The following ZNF581 variants were observed in gnomAD, a reference collection of about 807,000 sequenced individuals.
ZNF581 encodes zinc finger protein 581.
A neutral mutation model predicts 1.2 loss-of-function variants in ZNF581; 1 was observed. That is an observed-to-expected ratio of 0.83 (90% confidence interval 0.30 to 3.95). The LOEUF is 3.95. Ranked by LOEUF, ZNF581 falls within the 30% of genes most tolerant of loss-of-function variation. The pLI is 0.18. For synonymous variants in ZNF581, 105 were observed against 109.2 expected (o/e 0.96, Z 0.24); for missense variants, 273 against 274.6 (o/e 0.99, Z 0.04).
upstream of ZNF581, among the ~76,000 whole-genome samples, chr19:55,637,771 C>T (rs545755761): frequency 6.6e-6 from 1 of 152,306 alleles, no homozygotes; most frequent in Non-Finnish European, 1.5e-5. Flanking sequence ...TGACCTCAGG[C>T]CAATCACACG....
rs1238578099 is a variant in ZNF581, at chr19:55,644,764, G to A, written c.193G>A (p.Val65Met). 5 of 1,613,968 alleles carry A rather than the reference G, an allele frequency of 3.1e-6. No individual in the cohort carries two copies. The highest frequency in any genetic ancestry group is 4.2e-6 in the Non-Finnish European group (5 of 1,179,954). The change falls in exon 2 of 2, where the codon GTG (valine) becomes ATG (methionine). Residue 65 changes from valine to methionine, a missense_variant. Transcript: ENST00000270451. The surrounding 1 kb of genome is among the most constrained non-coding windows in gnomAD (Gnocchi z 4.3). ...LIDTQGVPYT[V>M]LVDEESQREP... ...TGACACTCAGGGTGTCCCCTACACA[G>A]TGCTGGTGGACGAGGAGTCACAGAG...
rs193155075 is a variant in ZNF581, at chr19:55,644,300, G to A, written c.-19-253G>A. Among the ~76,000 whole-genome samples, 378 of 152,324 alleles carry A rather than the reference G, an allele frequency of 2.5e-3. 1 individual carries two copies. The highest frequency in any genetic ancestry group is 8.6e-3 in the African/African-American group (357 of 41,558). On this transcript the variant is annotated intron_variant, in intron 1 of 1. Transcript: ENST00000270451. This position sits in a 1 kb window ranked among gnomAD's most constrained non-coding sequence, Gnocchi z 4.3. ...TAGAGCGAGGTCCAGGTTGTGCAGA[G>A]GAGGTCAAGAGATCCTGTGAGTACA... is the stretch of plus-strand genomic sequence containing the variant.
upstream of ZNF581, among the ~76,000 whole-genome samples, chr19:55,639,125 A>C (rs1159551230): frequency 2.0e-5 from 3 of 152,076 alleles, no homozygotes; most frequent in Non-Finnish European, 4.4e-5. Flanking sequence ...AGGGGTTCTC[A>C]GCTAGGAGCC....
chr19:55,640,326 C>G (rs919675600), upstream of ZNF581: 8 of 985,146 alleles, frequency 8.1e-6, no homozygotes, highest in African/African-American at 1.2e-4. Context: ...CAGGACCTGG[C>G]GCAGCCCGCG....
chr19:55,640,123 C>A, upstream of ZNF581: 1 of 985,474 alleles, frequency 1.0e-6, no homozygotes, highest in Middle Eastern at 5.2e-4. Flanking sequence ...CCCCCACTCT[C>A]AGCTGCACCT....
In ZNF581 at chr19:55,644,524, A is replaced by C; in HGVS notation, c.-19-29A>C. On this transcript the variant is annotated intron_variant, in intron 1 of 1. Transcript: ENST00000270451. This position sits in a 1 kb window ranked among gnomAD's most constrained non-coding sequence, Gnocchi z 4.3. ...GTGCTGAGCTGCCCTCTTCTATATA[A>C]CCTTCTTATCCCATCTCCCATCCAC... 7.0e-7 allele frequency: 1 copy of C among 1,421,220 alleles called. No homozygotes were observed. The highest frequency in any genetic ancestry group is 9.5e-7 in the Non-Finnish European group (1 of 1,055,616). The allele number at this position is 1,421,220 out of a possible 1,614,324, so 88.0% of individuals were successfully genotyped here. A position where few individuals can be genotyped will look rare whatever the true frequency, so the allele number is the denominator to read the frequency against.
At chr19:55,635,296 C>T (rs948440696), upstream of ZNF581, 1 of 152,338 alleles carries the variant, frequency 6.6e-6, no homozygotes, top group African/African-American at 2.4e-5. Context: ...GAGGCACAGG[C>T]CTGGGCATCA....
chr19:55,640,810 G>T, upstream of ZNF581: 1 of 985,504 alleles, frequency 1.0e-6, no homozygotes, highest in Non-Finnish European at 1.2e-6. Flanking sequence ...TTTATTGGCC[G>T]ATCTCTTGTC....
chr19:55,645,210 G>T lies in ZNF581; in HGVS notation c.*45G>T, dbSNP rs1012089779. 1 of 1,481,972 alleles carries T rather than the reference G, an allele frequency of 6.7e-7. No individual in the cohort carries two copies. The highest frequency in any genetic ancestry group is 9.0e-7 in the Non-Finnish European group (1 of 1,106,358). The allele number at this position is 1,481,972 out of a possible 1,614,324, so 91.8% of individuals were successfully genotyped here. A position where few individuals can be genotyped will look rare whatever the true frequency, so the allele number is the denominator to read the frequency against. On this transcript the variant is annotated 3_prime_UTR_variant, in exon 2 of 2. Coordinates refer to ENST00000270451, the MANE Select transcript of ZNF581 (RefSeq NM_016535.4). ...CAGGTACCACAGGACTTTGCAGGGA[G>T]CCTGGACTCCTGTCCAGACACCTGG...
upstream of ZNF581, chr19:55,641,925 A>T: frequency 2.3e-6 from 1 of 443,476 alleles, no homozygotes; most frequent in Non-Finnish European, 3.0e-6. Context: ...GGAGGTACCT[A>T]GAGAGGAAGT....
chr19:55,645,043 G>T lies in ZNF581; in HGVS notation c.472G>T (p.Gly158Cys). 1 of 1,586,338 alleles carries T rather than the reference G, an allele frequency of 6.3e-7. No individual in the cohort carries two copies. The highest frequency in any genetic ancestry group is 8.6e-7 in the Non-Finnish European group (1 of 1,161,354). ...CTGCCCTCGCCGCTTCCGGGATGCGGGTGAGCTGGCCCAGCACAGCCGGGT... is the reference window on the plus strand; with the variant it reads ...CTGCCCTCGCCGCTTCCGGGATGCGTGTGAGCTGGCCCAGCACAGCCGGGT... ...PLCPRRFRDA[G>C]ELAQHSRVHS... The change falls in exon 2 of 2, where the codon GGT becomes TGT. Residue 158 changes from glycine (G) to cysteine (C), a missense_variant. Physicochemically the swap from Gly to Cys is radical, Grantham distance 159. Transcript: ENST00000270451.
upstream of ZNF581, among the ~76,000 whole-genome samples, chr19:55,639,067 C>T (rs146822693): frequency 1.7e-3 from 256 of 148,494 alleles, 1 homozygote; most frequent in African/African-American, 5.9e-3. Flanking sequence ...TTAACTATAT[C>T]AGGGATCTTG....
At chr19:55,641,059 C>T (rs1355376567), upstream of ZNF581, 10 of 985,182 alleles carry the variant, frequency 1.0e-5, no homozygotes, top group Non-Finnish European at 1.2e-5. Flanking sequence ...GTCCCCGCGT[C>T]CCCGGCGCCG....
At chr19:55,636,131 G>A (rs1196106510), upstream of ZNF581, among the ~76,000 whole-genome samples, 1 of 152,158 alleles carries the variant, frequency 6.6e-6, no homozygotes, top group Non-Finnish European at 1.5e-5. Flanking sequence ...AAAGGGGGCC[G>A]GGAGAATGTT....
upstream of ZNF581, chr19:55,641,043 C>A (rs1382947317): frequency 1.0e-6 from 1 of 984,986 alleles, no homozygotes; most frequent in East Asian, 1.1e-4. Context: ...CACCCCCGCG[C>A]CCCCAGTCCC....
rs1426035147 is a variant in ZNF581 at position 55,645,086 on chromosome 19, C to G, written c.515C>G (p.Pro172Arg). The change falls in exon 2 of 2, where the codon CCG becomes CGG. Residue 172 changes from proline to arginine, a missense_variant. Pro to Arg is a moderately radical substitution (Grantham distance 103). Transcript: ENST00000270451. Reference sequence around the variant, plus strand: ...AGCCGGGTGCACTCTGGGGAACGCCCGTTTCAGTGTCCACACTGCCCTCGC... The same window carrying G: ...AGCCGGGTGCACTCTGGGGAACGCCGGTTTCAGTGTCCACACTGCCCTCGC... ...QHSRVHSGER[P>R]FQCPHCPRRF... The G allele has an allele frequency of 6.4e-7, 1 of 1,550,612 alleles. No homozygotes were observed. Among genetic ancestry groups the G allele is most frequent in the African/African-American group, 1.4e-5 (1 of 73,630 alleles).
chr19:55,645,462 G>A lies in ZNF581; in HGVS notation c.*297G>A, dbSNP rs1322162114. On this transcript the variant is annotated 3_prime_UTR_variant, in exon 2 of 2. Transcript: ENST00000270451. ...TGGATGGAGGTGGGGAGTGTGGTGTGTAAAGTCTCTGGCCTCATAAAAGGT... is the reference window on the plus strand; with the variant it reads ...TGGATGGAGGTGGGGAGTGTGGTGTATAAAGTCTCTGGCCTCATAAAAGGT... 1 of 314,804 alleles carries A rather than the reference G, an allele frequency of 3.2e-6. No homozygotes were observed. Among genetic ancestry groups the A allele is most frequent in the Non-Finnish European group, 6.2e-6 (1 of 162,318 alleles). The allele number at this position is 314,804 out of a possible 1,614,324, so 19.5% of individuals were successfully genotyped here.
In ZNF581 at chr19:55,645,581, A is replaced by C. The variant is rs1238865381; in HGVS notation, c.*416A>C. The C allele has an allele frequency of 1.7e-5, 3 of 180,498 alleles. No individual in the cohort carries two copies. Among genetic ancestry groups the C allele is most frequent in the African/African-American group, 7.1e-5 (3 of 42,044 alleles). The allele number at this position is 180,498 out of a possible 1,614,324, so 11.2% of individuals were successfully genotyped here. On this transcript the variant is annotated 3_prime_UTR_variant, in exon 2 of 2. Transcript: ENST00000270451. ...CAGTCCTGCCTTCCACCCCCCAACC[A>C]GGCCTGAGACTGATCAAACAATAAA...
upstream of ZNF581, among the ~76,000 whole-genome samples, chr19:55,639,251 A>G (rs1236119454): frequency 2.0e-5 from 3 of 151,996 alleles, no homozygotes; most frequent in Non-Finnish European, 4.4e-5. Context: ...ATGCTGCTCA[A>G]CACTCTACAG....
Sources: gnomAD v4.1 joint callset for allele counts (sites outside exome capture counted in the v4.1 genomes callset) on GRCh38, gnomAD v4.1.1 for gene constraint, Gnocchi (gnomAD v3.1) non-coding constraint, MANE v1.5 for transcripts, NCBI Gene and HGNC (gene_info 2026-07-23, HGNC 2026-07-21) for gene names.